The following TRIM22 variants were observed in gnomAD, a reference collection of about 807,000 sequenced individuals.
The protein encoded by TRIM22 is E3 ubiquitin-protein ligase TRIM22.
A neutral mutation model predicts 53.6 loss-of-function variants in TRIM22; 45 were observed. That is an observed-to-expected ratio of 0.84 (90% CI 0.66 to 1.08). The LOEUF (loss-of-function observed/expected upper bound fraction) is 1.08, where lower values mean the gene tolerates loss of function less well. TRIM22 is among the 50% of genes least tolerant of loss of function. TRIM22 has a pLI of 0.00. For missense variants in TRIM22, 616 were observed against 590.9 expected (o/e 1.04, Z -0.44); for synonymous variants, 225 against 216.6 (o/e 1.04, Z -0.34).
chr11:5,709,813 T>C lies in TRIM22; in HGVS notation c.*165T>C, dbSNP rs1176840571. ...CTAGGGCTTCCATAGCAAAGCATCA[T>C]AGATTGCTGATTTAAACTGTAATTG... On this transcript the variant is annotated 3_prime_UTR_variant, in exon 8 of 8. Coordinates refer to ENST00000379965, the MANE Select transcript of TRIM22 (RefSeq NM_006074.5). 9 of 646,248 alleles carry C rather than the reference T, an allele frequency of 1.4e-5. No homozygotes were observed. Among genetic ancestry groups the C allele is most frequent in the Middle Eastern group, 3.8e-4 (1 of 2,610 alleles). The allele number at this position is 646,248 out of a possible 1,614,324, so 40.0% of individuals were successfully genotyped here. A position where few individuals can be genotyped will look rare whatever the true frequency, so the allele number is the denominator to read the frequency against.
chr11:5,693,617 G>A (rs1249698850), intron 1 of TRIM22, among the ~76,000 whole-genome samples: 3 of 151,106 alleles, frequency 2.0e-5, no homozygotes, highest in African/African-American at 4.9e-5. Flanking sequence ...CAGCTACTTG[G>A]AGGCTGAGGC....
chr11:5,698,887 C>G (rs1853317041), intron 4 of TRIM22, among the ~76,000 whole-genome samples: 1 of 152,172 alleles, frequency 6.6e-6, no homozygotes. Flanking sequence ...TTTCTACCTC[C>G]ACCTCCTGGC....
chr11:5,697,187 T>A (rs1564940299), intron 2 of TRIM22, 61 bp from the exon 3 acceptor site: 1 of 1,291,220 alleles, frequency 7.7e-7, no homozygotes. Flanking sequence ...TTCCTTGCTG[T>A]CCTCTATTCA....
intron 4 of TRIM22, among the ~76,000 whole-genome samples, chr11:5,704,031 A>G (rs1176500703): frequency 6.6e-6 from 1 of 152,186 alleles, no homozygotes; most frequent in Non-Finnish European, 1.5e-5. Flanking sequence ...GGGAACATGT[A>G]CTCTGTTGGT....
rs1014213772 is a variant in TRIM22 at position 5,708,912 on chromosome 11, T to C, written c.902-141T>C. On this transcript the variant is annotated intron_variant, in intron 7 of 7. Transcript: ENST00000379965. ...TTATAGTCTTACACCCTGTATTTCTTAAGGGTCCTACTAACCTCTGACTAT... is the reference window on the plus strand; with the variant it reads ...TTATAGTCTTACACCCTGTATTTCTCAAGGGTCCTACTAACCTCTGACTAT... 3 of 701,424 alleles carry C rather than the reference T, an allele frequency of 4.3e-6. No individual in the cohort carries two copies. The African/African-American group carries it at 5.4e-5, about 13-fold the overall frequency. 43.5% of individuals were successfully genotyped at this position (701,424 alleles called of 1,614,324 possible).
rs1853537593 is a variant in TRIM22, at chr11:5,710,239, C to T, written c.*591C>T. 1 of 152,114 alleles carries T rather than the reference C, an allele frequency of 6.6e-6. No individual in the cohort carries two copies. Among genetic ancestry groups the T allele is most frequent in the Admixed American group, 6.6e-5 (1 of 15,262 alleles). The allele number at this position is 152,114 out of a possible 1,614,324, so 9.4% of individuals were successfully genotyped here. A position where few individuals can be genotyped will look rare whatever the true frequency, so the allele number is the denominator to read the frequency against. ...TGCTTGTACATTATTTTCCTAATAC[C>T]TTGGTTTCACTAGTAGTAAACATTA... On this transcript the variant is annotated 3_prime_UTR_variant, in exon 8 of 8. Transcript: ENST00000379965.
Position 5,696,440 on chromosome 11 carries a change from C to A in TRIM22, c.208C>A (p.Pro70Thr), listed in dbSNP as rs764153769. Residue 70 changes from proline to threonine, a missense_variant, in exon 2 of 8, where the codon CCT (proline) becomes ACT (threonine). Transcript: ENST00000379965. ...QTRFQPGNLR[P>T]NRHLANIVER... ...CAGATTCCAGCCTGGGAACCTCCGA[C>A]CTAATCGGCATCTGGCCAACATAGT... The A allele has an allele frequency of 6.2e-6, 10 of 1,614,128 alleles. No individual in the cohort carries two copies. In the South Asian group the frequency reaches 8.8e-5, roughly 14 times the overall value.
chr11:5,708,715 T>TA, intron 7 of TRIM22, 112 bp downstream of exon 7: 43 of 855,530 alleles, frequency 5.0e-5, no homozygotes, highest in Non-Finnish European at 5.6e-5. Flanking sequence ...ACCATGTAGT[T>TA]CTTTTTTTTT....
rs71053298 is a variant in TRIM22 at position 5,699,530 on chromosome 11, C to CAA, written c.750+1023_750+1024dup. On this transcript the variant is annotated intron_variant, in intron 4 of 7. Transcript: ENST00000379965. The stretch of plus-strand genomic sequence containing the variant: ...TGGGCGACAGAGCGAGACTCCGTCT[C>CAA]AAAAAAAAAAAAAAAAAAAAAAAAA... Among the ~76,000 whole-genome samples the CAA allele has an allele frequency of 4.6e-4, 13 of 28,544 alleles. 2 individuals are homozygous for CAA. The East Asian group carries it at 5.4e-3, about 12-fold the overall frequency. The allele number at this position is 28,544 out of a possible 152,430, so 18.7% of individuals were successfully genotyped here.
chr11:5,696,167 C>T lies in TRIM22; in HGVS notation c.-66C>T. The T allele has an allele frequency of 6.9e-7, 1 of 1,454,166 alleles. No homozygotes were observed. Among genetic ancestry groups the T allele is most frequent in the Non-Finnish European group, 9.3e-7 (1 of 1,071,040 alleles). The allele number at this position is 1,454,166 out of a possible 1,614,324, so 90.1% of individuals were successfully genotyped here. On this transcript the variant is annotated splice_region_variant and 5_prime_UTR_variant, in exon 2 of 8. Coordinates refer to ENST00000379965, the MANE Select transcript of TRIM22 (RefSeq NM_006074.5). ...ACCCTGTCCCCTTCAACATTCTCAGCACTGCAGGAGTTTGTGACCAAGAAC... is the reference window on the plus strand; with the variant it reads ...ACCCTGTCCCCTTCAACATTCTCAGTACTGCAGGAGTTTGTGACCAAGAAC...
At position 5,706,590 on chromosome 11, in the gene TRIM22, C is replaced by G. The variant is rs776256739; in HGVS notation, c.751-4C>G. 6 of 1,611,670 alleles carry G rather than the reference C, an allele frequency of 3.7e-6. No homozygotes were observed. The highest frequency in any genetic ancestry group is 5.1e-6 in the Non-Finnish European group (6 of 1,178,616). ...TTGACTCATGTTTTCTATCTTTTCC[C>G]CAGGATGTGATTGACGTCATGAAAA... is the stretch of plus-strand genomic sequence containing the variant. On this transcript the variant is annotated splice_region_variant and splice_polypyrimidine_tract_variant and intron_variant, in intron 4 of 7. Coordinates refer to ENST00000379965, the MANE Select transcript of TRIM22 (RefSeq NM_006074.5).
At chr11:5,698,743 CATT>C (rs1853315548) in intron 4 of TRIM22, among the ~76,000 whole-genome samples, 198 bp downstream of exon 4, 2 of 152,274 alleles carry the variant, frequency 1.3e-5, no homozygotes, top group Non-Finnish European at 2.9e-5. Context: ...GGGAAATTCC[CATT>C]ATTATTCACT....
intron 2 of TRIM22, chr11:5,696,968 G>C: frequency 4.0e-6 from 2 of 494,100 alleles, no homozygotes; most frequent in Admixed American, 3.7e-5. Context: ...TGTGGGAAGA[G>C]TGGCAATGAA....
Position 5,709,420 on chromosome 11 carries a change from CT to C in TRIM22, c.1270del (p.Ser424ProfsTer9). 1 of 1,614,094 alleles carries C rather than the reference CT, an allele frequency of 6.2e-7. No homozygotes were observed. ...NTCEYNAFED[S>X]SSSDPKVLTL... Reference sequence around the variant, plus strand: ...CATGTGAATATAATGCTTTTGAGGACTCCTCCTCTTCTGATCCCAAGGTTTT... The same window carrying C: ...CATGTGAATATAATGCTTTTGAGGACCCTCCTCTTCTGATCCCAAGGTTTT... On this transcript the variant is annotated frameshift_variant, in exon 8 of 8. Coordinates refer to ENST00000379965, the MANE Select transcript of TRIM22 (RefSeq NM_006074.5). LOFTEE classifies it high-confidence loss of function.
intron 6 of TRIM22, 57 bp from the exon 7 acceptor site, chr11:5,708,520 G>C: frequency 6.6e-7 from 1 of 1,523,692 alleles, no homozygotes. Context: ...GAAGAGACAG[G>C]TGTCAGTACT....
chr11:5,695,080 C>T (rs2134172750), intron 1 of TRIM22, among the ~76,000 whole-genome samples: 1 of 152,192 alleles, frequency 6.6e-6, no homozygotes, highest in East Asian at 1.9e-4. Context: ...GAGGACATAT[C>T]AGTGAACAAA....
chr11:5,708,596 C>T lies in TRIM22; in HGVS notation c.894C>T (p.Tyr298=). Residue 298 remains tyrosine (Y), a synonymous_variant, in exon 7 of 8, where the codon TAC becomes TAT. Coordinates refer to ENST00000379965, the MANE Select transcript of TRIM22 (RefSeq NM_006074.5). ...QVLKELTDVQ[Y]YWVDVMLNPG... is the part of the protein sequence containing the mutation. ...TTTCAGAGCTGACAGATGTCCAGTA[C>T]TACTGGGGTAAGATGATATGGGGTT... is the stretch of plus-strand genomic sequence containing the variant. 6.2e-7 allele frequency: 1 copy of T among 1,607,728 alleles called. No homozygotes were observed.
chr11:5,696,781 T>G, intron 2 of TRIM22, 126 bp downstream of exon 2: 1 of 1,016,016 alleles, frequency 9.8e-7, no homozygotes, highest in Non-Finnish European at 1.4e-6. Context: ...GTGATCTCTT[T>G]CCATACTCTT....
In TRIM22 at chr11:5,709,503, C is replaced by T. The variant is rs370420711; in HGVS notation, c.1352C>T (p.Ala451Val). ...CRIGVFLDYE[A>V]GIVSFFNVTN... ...ATTGGGGTTTTCCTAGACTATGAGG[C>T]AGGCATTGTCTCATTTTTCAATGTC... Residue 451 changes from alanine to valine, a missense_variant, in exon 8 of 8, where the codon GCA (alanine) becomes GTA (valine). Transcript: ENST00000379965. The T allele has an allele frequency of 1.2e-6, 2 of 1,614,024 alleles. No homozygotes were observed. Among genetic ancestry groups the T allele is most frequent in the African/African-American group, 1.3e-5 (1 of 74,926 alleles).
Sources: allele counts gnomAD v4.1 joint callset (sites outside exome capture counted in the v4.1 genomes callset), GRCh38; gene constraint gnomAD v4.1.1; transcripts MANE v1.5; gene names NCBI Gene and HGNC (gene_info 2026-07-23, HGNC 2026-07-21).